The following ANKFN1 variants were observed in gnomAD, a reference collection of about 807,000 sequenced individuals.
ANKFN1 encodes ankyrin repeat and fibronectin type-III domain-containing protein 1.
ANKFN1 carries 74 observed loss-of-function variants against 108.7 expected under a neutral mutation model. That is an observed-to-expected ratio of 0.68 (90% CI 0.56 to 0.83). The LOEUF (loss-of-function observed/expected upper bound fraction) is 0.83, where lower values mean the gene tolerates loss of function less well. Among genes scored for constraint, ANKFN1 ranks in the 40% least tolerant of loss-of-function variants. ANKFN1 has a pLI of 0.00. For synonymous variants in ANKFN1, 547 were observed against 516.2 expected (o/e 1.06, Z -0.81); for missense variants, 1,505 against 1,382.3 (o/e 1.09, Z -1.41).
chr17:56,247,056 T>A (rs1161869593), intron 3 of ANKFN1, among the ~76,000 whole-genome samples: 1 of 152,244 alleles, frequency 6.6e-6, no homozygotes, highest in African/African-American at 2.4e-5. Flanking sequence ...CCTTCTTAAA[T>A]CTGTGCTTAT....
Position 56,491,118 on chromosome 17 carries a change from C to CTAATTACTACCTG in ANKFN1, c.2261-1049_2261-1037dup, listed in dbSNP as rs1220176588. Among the ~76,000 whole-genome samples the CTAATTACTACCTG allele has an allele frequency of 2.6e-5, 4 of 152,162 alleles. No homozygotes were observed. The East Asian group carries it at 5.8e-4, about 22-fold the overall frequency. ...AGATCTGGGTCTCAGGAATCAACAT[C>CTAATTACTACCTG]TAATTACTACCTGTAATTACTACCT... On this transcript the variant is annotated intron_variant, in intron 18 of 20. Coordinates refer to ENST00000682825, the MANE Select transcript of ANKFN1 (RefSeq NM_001370326.1).
chr17:56,391,212 CATATATATATATATATATATATATAT>C (rs202114506), intron 8 of ANKFN1, among the ~76,000 whole-genome samples: 7 of 121,410 alleles, frequency 5.8e-5, no homozygotes, highest in Admixed American at 4.5e-4. Context: ...CCCAAGAATA[CATATATATATATATATATATATATAT>C]ATATATATAT....
chr17:56,216,358 A>C (rs1220665636), intron 2 of ANKFN1, among the ~76,000 whole-genome samples: 1 of 152,228 alleles, frequency 6.6e-6, no homozygotes, highest in East Asian at 1.9e-4. Context: ...GAGACATGAA[A>C]GATTTCTGTG....
chr17:56,162,955 A>C (rs953896024), intron 1 of ANKFN1, among the ~76,000 whole-genome samples: 1 of 151,860 alleles, frequency 6.6e-6, no homozygotes, highest in Non-Finnish European at 1.5e-5. Flanking sequence ...GAAGAGCTTG[A>C]ACCCTGGAGG....
chr17:56,090,685 C>T (rs1905398443), intron 4 of ANKFN1, among the ~76,000 whole-genome samples: 1 of 151,046 alleles, frequency 6.6e-6, no homozygotes, highest in African/African-American at 2.4e-5. Context: ...TGGCTCACTG[C>T]AGCCTCAAAC....
At chr17:56,250,699 GC>G (rs1403976483) in intron 3 of ANKFN1, among the ~76,000 whole-genome samples, 2 of 152,218 alleles carry the variant, frequency 1.3e-5, no homozygotes, top group Non-Finnish European at 2.9e-5. Flanking sequence ...ATGGTGTTCA[GC>G]CCAAGGTTTC....
In ANKFN1 at chr17:56,440,404, A is replaced by G. The variant is rs1022390900; in HGVS notation, c.988A>G (p.Thr330Ala). The G allele has an allele frequency of 1.2e-6, 2 of 1,611,832 alleles. No individual in the cohort carries two copies. Among genetic ancestry groups the G allele is most frequent in the Non-Finnish European group, 1.7e-6 (2 of 1,178,414 alleles). Reference sequence around the variant, plus strand: ...GGATAATCTGCAGACTCTGAGATGCACAATCACAGGACTTACAATGGTAAA... The same window carrying G: ...GGATAATCTGCAGACTCTGAGATGCGCAATCACAGGACTTACAATGGTAAA... ...IMDNLQTLRC[T>A]ITGLTMGQQY... The change falls in exon 9 of 21, where the codon ACA (threonine) becomes GCA (alanine). Residue 330 changes from threonine (T) to alanine (A), a missense_variant. Physicochemically the swap from Thr to Ala is moderately conservative, Grantham distance 58. Transcript: ENST00000682825.
At chr17:56,369,090 C>A (rs2046741459) in intron 6 of ANKFN1, among the ~76,000 whole-genome samples, 1 of 152,210 alleles carries the variant, frequency 6.6e-6, no homozygotes. Flanking sequence ...ACACCATCTC[C>A]AGCTATTTAC....
chr17:56,223,420 T>C (rs1348095034), intron 2 of ANKFN1, among the ~76,000 whole-genome samples: 2 of 152,106 alleles, frequency 1.3e-5, no homozygotes, highest in African/African-American at 2.4e-5. Flanking sequence ...TAAAAAGGTA[T>C]AAAGAAATCA....
Position 56,510,818 on chromosome 17 carries a change from T to A in ANKFN1, c.2990T>A (p.Leu997Gln). The A allele has an allele frequency of 6.5e-7, 1 of 1,536,128 alleles. No homozygotes were observed. Among genetic ancestry groups the A allele is most frequent in the Non-Finnish European group, 8.7e-7 (1 of 1,146,896 alleles). The change falls in exon 21 of 21, where the codon CTG becomes CAG. Residue 997 changes from leucine (L) to glutamine (Q), a missense_variant. Coordinates refer to ENST00000682825, the MANE Select transcript of ANKFN1 (RefSeq NM_001370326.1). ...VSGGRPPLGF[L>Q]GKRKPGKHPH... ...GGTGGGCGGCCCCCGCTAGGCTTCCTGGGAAAGCGGAAGCCAGGCAAGCAC... is the reference window on the plus strand; with the variant it reads ...GGTGGGCGGCCCCCGCTAGGCTTCCAGGGAAAGCGGAAGCCAGGCAAGCAC...
intron 3 of ANKFN1, among the ~76,000 whole-genome samples, chr17:56,310,183 A>C (rs1598389223): frequency 1.3e-5 from 2 of 152,230 alleles, no homozygotes; most frequent in Non-Finnish European, 2.9e-5. Context: ...CATGCTACCC[A>C]AAATGGTGTA....
chr17:56,486,299 C>A (rs1804821523), intron 18 of ANKFN1, among the ~76,000 whole-genome samples: 1 of 152,184 alleles, frequency 6.6e-6, no homozygotes, highest in Admixed American at 6.5e-5. Flanking sequence ...GGGCTCGGTT[C>A]CATTGGCATA....
intron 3 of ANKFN1, among the ~76,000 whole-genome samples, chr17:56,299,372 C>T (rs1352006293): frequency 6.6e-6 from 1 of 152,158 alleles, no homozygotes; most frequent in Non-Finnish European, 1.5e-5. Flanking sequence ...AGGACTCTGA[C>T]CCCTCTCCTG....
At chr17:56,464,272 C>A (rs1568022755) in intron 14 of ANKFN1, among the ~76,000 whole-genome samples, 1 of 152,100 alleles carries the variant, frequency 6.6e-6, no homozygotes. Context: ...CTGATAATAA[C>A]TTTGTTTAAG....
rs147653517 is a variant in ANKFN1, at chr17:56,235,502, C to A, written c.53+7545C>A. On this transcript the variant is annotated intron_variant, in intron 3 of 20. Coordinates refer to ENST00000682825, the MANE Select transcript of ANKFN1 (RefSeq NM_001370326.1). ...ATAGTTTTGGGTTTTACATTTAATTCTTTAATCTATCTTTAGTTGATTTTT... is the reference window on the plus strand; with the variant it reads ...ATAGTTTTGGGTTTTACATTTAATTATTTAATCTATCTTTAGTTGATTTTT... Among the ~76,000 whole-genome samples, 1,258 of 152,182 alleles carry A rather than the reference C, an allele frequency of 8.3e-3. 18 individuals are homozygous for A. The highest frequency in any genetic ancestry group is 0.028 in the African/African-American group (1,156 of 41,512).
intron 1 of ANKFN1, among the ~76,000 whole-genome samples, chr17:56,206,318 A>G (rs559391890): frequency 2.6e-5 from 4 of 152,180 alleles, no homozygotes. Context: ...CCAAGTAATT[A>G]CAACTGTTCA....
Position 56,440,397 on chromosome 17 carries a change from G to T in ANKFN1, c.981G>T (p.Leu327=). The T allele has an allele frequency of 1.2e-6, 2 of 1,612,338 alleles. No individual in the cohort carries two copies. Among genetic ancestry groups the T allele is most frequent in the South Asian group, 2.2e-5 (2 of 90,838 alleles). ...GEIIMDNLQT[L]RCTITGLTMG... ...TCATCATGGATAATCTGCAGACTCT[G>T]AGATGCACAATCACAGGACTTACAA... The change falls in exon 9 of 21, where the codon CTG becomes CTT. Residue 327 remains leucine (L), a synonymous_variant. Coordinates refer to ENST00000682825, the MANE Select transcript of ANKFN1 (RefSeq NM_001370326.1).
At chr17:56,399,313 A>G (rs538889347) in intron 8 of ANKFN1, among the ~76,000 whole-genome samples, 89 of 152,270 alleles carry the variant, frequency 5.8e-4, no homozygotes, top group African/African-American at 1.9e-3. Context: ...CATTTATACC[A>G]TAGTATGGTT....
At chr17:56,189,494 A>G (rs1281715411) in intron 1 of ANKFN1, among the ~76,000 whole-genome samples, 2 of 152,134 alleles carry the variant, frequency 1.3e-5, no homozygotes, top group African/African-American at 4.8e-5. Flanking sequence ...GTGAGCCATT[A>G]TAGCAAAGTA....
Sources: gnomAD v4.1 joint callset for allele counts (sites outside exome capture counted in the v4.1 genomes callset) on GRCh38, gnomAD v4.1.1 for gene constraint, MANE v1.5 for transcripts, NCBI Gene and HGNC (gene_info 2026-07-23, HGNC 2026-07-21) for gene names.